The following STK10 variants were observed in gnomAD, a reference collection of about 807,000 sequenced individuals.
STK10 encodes serine/threonine-protein kinase 10.
Under a neutral mutation model 113.8 loss-of-function variants are expected in STK10, and 78 were observed. The observed-to-expected ratio is 0.69, with a 90% CI of 0.57 to 0.83. STK10 has a LOEUF of 0.83. STK10 is among the 40% of genes least tolerant of loss of function. The pLI, the probability that STK10 is intolerant of heterozygous loss-of-function variation, is 0.00. For synonymous variants in STK10, 465 were observed against 494.7 expected, an observed-to-expected ratio of 0.94 and a Z score of 0.80; for missense variants, 1,109 against 1,280.1, an observed-to-expected ratio of 0.87 and a Z score of 2.04.
intron 4 of STK10, among the ~76,000 whole-genome samples, chr5:172,111,923 A>C (rs1409767304): frequency 6.6e-6 from 1 of 152,254 alleles, no homozygotes; most frequent in African/African-American, 2.4e-5. Flanking sequence ...TTTGCCAGCA[A>C]TTCTATTTGT....
chr5:172,182,664 T>C (rs969693101), intron 1 of STK10, among the ~76,000 whole-genome samples: 5 of 151,162 alleles, frequency 3.3e-5, no homozygotes, highest in African/African-American at 1.2e-4. Flanking sequence ...AGCGATTCTC[T>C]TGCCTCAGCC....
At chr5:172,061,328 C>T in intron 13 of STK10, 60 bp from the exon 14 acceptor site, 1 of 1,534,400 alleles carries the variant, frequency 6.5e-7, no homozygotes, top group East Asian at 2.3e-5. Context: ...CTCCATGTCT[C>T]TTCCTATTAT....
chr5:172,138,342 T>C (rs1207094530), intron 2 of STK10, among the ~76,000 whole-genome samples: 1 of 152,180 alleles, frequency 6.6e-6, no homozygotes, highest in Non-Finnish European at 1.5e-5. Context: ...CAGGCTGGTC[T>C]TGAATTCTTG....
chr5:172,132,557 A>C lies in STK10; in HGVS notation c.322-5136T>G, dbSNP rs554293974. On this transcript the variant is annotated intron_variant, in intron 2 of 18. Coordinates refer to ENST00000176763, the MANE Select transcript of STK10 (RefSeq NM_005990.4). ...GCTAAAGGCCTCTAAGCCCTGATCA[A>C]GTCCAAAGTGAAACCGCCCCAGTGC... 2.0e-5 allele frequency among the ~76,000 whole-genome samples: 3 copies of C among 152,316 alleles called. No homozygotes were observed. In the South Asian group the frequency reaches 6.2e-4, roughly 32 times the overall value.
intron 10 of STK10, among the ~76,000 whole-genome samples, chr5:172,085,338 A>G (rs551473002): frequency 1.3e-5 from 2 of 152,298 alleles, no homozygotes; most frequent in African/African-American, 4.8e-5. Context: ...CAGAAAAAAT[A>G]TCGGAGGGAT....
chr5:172,153,370 T>C (rs1326360513), intron 2 of STK10, among the ~76,000 whole-genome samples: 1 of 152,182 alleles, frequency 6.6e-6, no homozygotes, highest in African/African-American at 2.4e-5. Flanking sequence ...TCTACTGGTC[T>C]AGAGCATTTT....
chr5:172,134,950 AC>A (rs1769822336), intron 2 of STK10, among the ~76,000 whole-genome samples: 1 of 151,960 alleles, frequency 6.6e-6, no homozygotes, highest in Non-Finnish European at 1.5e-5. Context: ...AGAAAAAGTA[AC>A]CCACAAATGG....
intron 2 of STK10, among the ~76,000 whole-genome samples, chr5:172,128,542 G>A (rs894198950): frequency 1.3e-5 from 2 of 152,150 alleles, no homozygotes; most frequent in African/African-American, 4.8e-5. Context: ...TGTTGGCCAG[G>A]CTGGTCTCAA....
At chr5:172,166,818 T>C (rs1360061587) in intron 1 of STK10, among the ~76,000 whole-genome samples, 1 of 152,210 alleles carries the variant, frequency 6.6e-6, no homozygotes, top group Non-Finnish European at 1.5e-5. Context: ...AAATACCTTT[T>C]CAGCCTATTA....
intron 7 of STK10, among the ~76,000 whole-genome samples, chr5:172,100,167 G>T (rs984636433): frequency 1.3e-5 from 2 of 152,332 alleles, no homozygotes; most frequent in Admixed American, 1.3e-4. Context: ...GATGTGTTTA[G>T]AGGCCCATTA....
chr5:172,102,802 C>T (rs1237948991), intron 7 of STK10, among the ~76,000 whole-genome samples: 1 of 152,092 alleles, frequency 6.6e-6, no homozygotes, highest in Non-Finnish European at 1.5e-5. Flanking sequence ...CATGTGACAG[C>T]TGTATGTTAA....
Position 172,082,526 on chromosome 5 carries a change from G to A in STK10, c.1810-21C>T, listed in dbSNP as rs1768456854. The A allele has an allele frequency of 6.4e-7, 1 of 1,555,942 alleles. No individual in the cohort carries two copies. Among genetic ancestry groups the A allele is most frequent in the Admixed American group, 2.0e-5 (1 of 49,188 alleles). On this transcript the variant is annotated intron_variant, in intron 11 of 18. Transcript: ENST00000176763. The surrounding 1 kb of genome is among the most constrained non-coding windows in gnomAD (Gnocchi z 4.3). Reference sequence around the variant, plus strand: ...TTGGCCTGAAAGGAGCAGAAATTCTGAGAAACTTAGCGAAGTCACTTTATA... The same window carrying A: ...TTGGCCTGAAAGGAGCAGAAATTCTAAGAAACTTAGCGAAGTCACTTTATA...
intron 6 of STK10, 107 bp downstream of exon 6, chr5:172,106,513 C>A: frequency 7.9e-7 from 1 of 1,258,868 alleles, no homozygotes; most frequent in Non-Finnish European, 1.1e-6. Context: ...GAGCTAGCAG[C>A]ACCAGGAGAA....
At chr5:172,123,752 G>A (rs1769563939) in intron 3 of STK10, among the ~76,000 whole-genome samples, 1 of 152,072 alleles carries the variant, frequency 6.6e-6, no homozygotes, top group South Asian at 2.1e-4. Context: ...TGTGGGATGG[G>A]TGGTTATTCT....
intron 1 of STK10, among the ~76,000 whole-genome samples, chr5:172,179,515 G>T (rs913206983): frequency 6.6e-6 from 1 of 152,134 alleles, no homozygotes; most frequent in African/African-American, 2.4e-5. Context: ...TGTTTGTTTC[G>T]ATCCCTTCCA....
intron 4 of STK10, 151 bp from the exon 5 acceptor site, chr5:172,108,003 G>C: frequency 1.6e-6 from 1 of 630,278 alleles, no homozygotes; most frequent in East Asian, 2.8e-5. Context: ...AAGACTATCT[G>C]CTGCTGAGAG....
intron 3 of STK10, among the ~76,000 whole-genome samples, chr5:172,122,874 C>T (rs921877497): frequency 3.3e-5 from 5 of 152,298 alleles, no homozygotes; most frequent in Middle Eastern, 3.4e-3. Flanking sequence ...CCACCCGCCT[C>T]GGCCTCCCAA....
chr5:172,048,698 G>C (rs1767556813), intron 18 of STK10, among the ~76,000 whole-genome samples: 1 of 152,108 alleles, frequency 6.6e-6, no homozygotes, highest in South Asian at 2.1e-4. Context: ...TGGTCTCTCT[G>C]CCTCCACTCT....
chr5:172,138,313 G>C (rs1396535314), intron 2 of STK10, among the ~76,000 whole-genome samples: 1 of 151,998 alleles, frequency 6.6e-6, no homozygotes, highest in Non-Finnish European at 1.5e-5. Context: ...TAGTAGAGAG[G>C]GGGTTTCACC....
Sources: gnomAD v4.1 joint callset for allele counts (sites outside exome capture counted in the v4.1 genomes callset) on GRCh38, gnomAD v4.1.1 for gene constraint, Gnocchi (gnomAD v3.1) non-coding constraint, MANE v1.5 for transcripts, NCBI Gene and HGNC (gene_info 2026-07-23, HGNC 2026-07-21) for gene names.